Variants in MICAL1 observed in about 807,000 individuals in gnomAD.
MICAL1 encodes the protein microtubule associated monooxygenase, calponin and LIM domain containing 1.
A neutral mutation model predicts 131.8 loss-of-function variants in MICAL1; 95 were observed. The observed-to-expected ratio is 0.72, with a 90% confidence interval of 0.61 to 0.86. The LOEUF is 0.86. MICAL1 is among the 40% of genes least tolerant of loss of function. The pLI, the probability that MICAL1 is intolerant of heterozygous loss-of-function variation, is 0.00. For synonymous variants in MICAL1, 546 were observed against 554.2 expected, an observed-to-expected ratio of 0.99 and a Z score of 0.21; for missense variants, 1,292 against 1,380.6, an observed-to-expected ratio of 0.94 and a Z score of 1.02.
intron 12 of MICAL1, 41 bp from the exon 13 acceptor site, chr6:109,448,434 C>A (rs1234615670): frequency 3.1e-6 from 5 of 1,604,256 alleles, no homozygotes; most frequent in Admixed American, 1.7e-5. Context: ...GAGACAAGAA[C>A]CTAGCCCCAC....
chr6:109,450,076 G>A lies in MICAL1; in HGVS notation c.1201C>T (p.Pro401Ser), dbSNP rs746569093. Residue 401 changes from proline (P) to serine (S), a missense_variant, in exon 9 of 25, where the codon CCC becomes TCC. Coordinates refer to ENST00000358807, the MANE Select transcript of MICAL1 (RefSeq NM_022765.4). ...CCCCGTGCCACTCCAGTGCCCAGGG[G>A]CCAGAAGGGCTGCAGTGTCAGAGGA... ...VGDCLVEPFW[P>S]LGTGVARGFL... is the part of the protein sequence containing the mutation. The A allele has an allele frequency of 6.2e-6, 10 of 1,613,670 alleles. No homozygotes were observed. Among genetic ancestry groups the A allele is most frequent in the Non-Finnish European group, 8.5e-7 (1 of 1,179,790 alleles).
At position 109,444,966 on chromosome 6, in the gene MICAL1, C is replaced by A; in HGVS notation, c.2911G>T (p.Val971Leu). The A allele has an allele frequency of 6.2e-7, 1 of 1,614,038 alleles. No individual in the cohort carries two copies. The change falls in exon 23 of 25, where the codon GTA becomes TTA. Residue 971 changes from valine (V) to leucine (L), a missense_variant. Val to Leu is a conservative substitution (Grantham distance 32). Transcript: ENST00000358807. Reference protein sequence around the residue: ...SSPEQQKKLWVGQLLQLVDKK... With the variant: ...SSPEQQKKLWLGQLLQLVDKK... ...TCAACGAGCTGTAGCAGCTGTCCTA[C>A]CCATAGTTTCTTTTGCTGTTCTGGG...
chr6:109,453,873 T>C, intron 2 of MICAL1, 28 bp from the exon 3 acceptor site: 2 of 1,611,120 alleles, frequency 1.2e-6, no homozygotes, highest in East Asian at 2.2e-5. Context: ...AGTGAGGGCA[T>C]GGCATCCTGT....
chr6:109,460,597 T>G (rs9487114), upstream of MICAL1, among the ~76,000 whole-genome samples: 1 of 151,794 alleles, frequency 6.6e-6, no homozygotes, highest in East Asian at 1.9e-4. Context: ...TGTAAAGGAT[T>G]TGAGAGCAGG....
chr6:109,451,986 C>T (rs1216267443), intron 6 of MICAL1: 4 of 1,388,678 alleles, frequency 2.9e-6, no homozygotes, highest in Middle Eastern at 2.6e-4. Context: ...ACAGAGGCAC[C>T]TTCTTGAAGT....
At chr6:109,458,367 G>A (rs1455624528), upstream of MICAL1, among the ~76,000 whole-genome samples, 8 of 152,072 alleles carry the variant, frequency 5.3e-5, no homozygotes, top group Admixed American at 2.0e-4. Flanking sequence ...AGGCTGAGGC[G>A]GGCAGATCAC....
chr6:109,465,380 C>A (rs1776008308), intron 1 of MICAL1: 1 of 469,458 alleles, frequency 2.1e-6, no homozygotes, highest in Non-Finnish European at 3.8e-6. Context: ...TCATATTTAG[C>A]CCTGACTTGT....
chr6:109,458,933 G>C (rs144319631), upstream of MICAL1, among the ~76,000 whole-genome samples: 4 of 152,332 alleles, frequency 2.6e-5, no homozygotes, highest in Non-Finnish European at 5.9e-5. Flanking sequence ...GGTGTAGAGA[G>C]TGCCATGAGA....
intron 24 of MICAL1, 110 bp downstream of exon 24, chr6:109,444,615 C>G (rs2236582): frequency 0.33 from 448,693 of 1,345,406 alleles, 75,688 homozygotes; most frequent in East Asian, 0.4. Context: ...CCTGAATTGT[C>G]TCAGAGGTAC....
Position 109,453,959 on chromosome 6 carries a change from G to A in MICAL1, c.238C>T (p.Arg80Trp), listed in dbSNP as rs1318850220. 5 of 1,613,846 alleles carry A rather than the reference G, an allele frequency of 3.1e-6. No individual in the cohort carries two copies. The highest frequency in any genetic ancestry group is 2.7e-5 in the African/African-American group (2 of 75,056). Residue 80 changes from arginine to tryptophan, a missense_variant, in exon 2 of 25, where the codon CGG (arginine) becomes TGG (tryptophan). By Grantham distance (101) the Arg-to-Trp change is moderately radical. Transcript: ENST00000358807. ...TCCACCTTGGTGCTGGTGCAGGCCC[G>A]GCCCTGCTGGTAGACAGGCTGGCCT... is the stretch of plus-strand genomic sequence containing the variant. ...RAGQPVYQQG[R>W]ACTSTKCLVV...
At chr6:109,444,369 A>T in intron 24 of MICAL1, 30 bp from the exon 25 acceptor site, 1 of 1,613,128 alleles carries the variant, frequency 6.2e-7, no homozygotes, top group Non-Finnish European at 8.5e-7. Flanking sequence ...CTTAGAGAAC[A>T]GGGAACTGGG....
chr6:109,448,097 GACACACAC>G (rs377004839), intron 13 of MICAL1, 98 bp downstream of exon 13: 2 of 1,130,284 alleles, frequency 1.8e-6, no homozygotes, highest in Non-Finnish European at 2.4e-6. Context: ...TCCTCTTTCT[GACACACAC>G]ACACACACAC....
At chr6:109,447,471 T>C (rs751732553) in intron 15 of MICAL1, 31 bp from the exon 16 acceptor site, 46 of 1,594,846 alleles carry the variant, frequency 2.9e-5, no homozygotes, top group Non-Finnish European at 3.8e-5. Context: ...GCAGGGAGGG[T>C]AGAGGGGCAG....
rs988766804 is a variant in MICAL1, at chr6:109,455,596, G to A, written c.-44+123C>T. The stretch of plus-strand genomic sequence containing the variant: ...CGGCGTGAGCAGGGCTGGGCTGAGG[G>A]AAGACCTGCCTGACCTGCCAGGCGT... On this transcript the variant is annotated intron_variant, in intron 1 of 24. Transcript: ENST00000358807. This position sits in a 1 kb window ranked among gnomAD's most constrained non-coding sequence, Gnocchi z 4.7. The A allele has an allele frequency of 4.2e-4, 272 of 652,664 alleles. 1 individual carries two copies. The African/African-American group carries it at 5.0e-3, about 12-fold the overall frequency. 40.4% of individuals were successfully genotyped at this position (652,664 alleles called of 1,614,324 possible).
At chr6:109,459,540 G>A (rs981897694), upstream of MICAL1, among the ~76,000 whole-genome samples, 4 of 152,086 alleles carry the variant, frequency 2.6e-5, no homozygotes, top group African/African-American at 9.7e-5. Context: ...TCACAAACTT[G>A]GGGCCCCCAT....
At chr6:109,444,531 T>C (rs1056903575) in intron 24 of MICAL1, among the ~76,000 whole-genome samples, 192 bp from the exon 25 acceptor site, 5 of 152,200 alleles carry the variant, frequency 3.3e-5, no homozygotes, top group African/African-American at 4.8e-5. Flanking sequence ...GGAGATCTTA[T>C]ACAAAAGCCA....
Position 109,444,265 on chromosome 6 carries a change from T to C in MICAL1, c.3130A>G (p.Arg1044Gly). 6.2e-7 allele frequency: 1 copy of C among 1,613,584 alleles called. No homozygotes were observed. Among genetic ancestry groups the C allele is most frequent in the African/African-American group, 1.3e-5 (1 of 75,042 alleles). Reference sequence around the variant, plus strand: ...TCCTGGAAGCGGATGAGGGCATCTCTCTGGTTGACCAAATCCACCAGCTTC... The same window carrying C: ...TCCTGGAAGCGGATGAGGGCATCTCCCTGGTTGACCAAATCCACCAGCTTC... ...LRKLVDLVNQ[R>G]DALIRFQEER... Residue 1044 changes from arginine to glycine, a missense_variant, in exon 25 of 25, where the codon AGA (arginine) becomes GGA (glycine). Physicochemically the swap from Arg to Gly is moderately radical, Grantham distance 125. Transcript: ENST00000358807.
At chr6:109,463,423 G>A (rs1475655192) in intron 1 of MICAL1, 1 of 152,178 alleles carries the variant, frequency 6.6e-6, no homozygotes, top group Non-Finnish European at 1.5e-5. Flanking sequence ...TGATGCTCAA[G>A]TTAGAAACAG....
chr6:109,455,900 C>T, upstream of MICAL1: 3 of 985,496 alleles, frequency 3.0e-6, no homozygotes, highest in African/African-American at 1.7e-5. The surrounding 1 kb of genome is among the most constrained non-coding windows in gnomAD (Gnocchi z 4.7). Context: ...GCGAGGGGCG[C>T]GGGGCGCCGC....
Sources: gnomAD v4.1 joint callset for allele counts (sites outside exome capture counted in the v4.1 genomes callset) on GRCh38, gnomAD v4.1.1 for gene constraint, Gnocchi (gnomAD v3.1) non-coding constraint, MANE v1.5 for transcripts, NCBI Gene and HGNC (gene_info 2026-07-23, HGNC 2026-07-21) for gene names.